RHPN2: variants seen among roughly 807,000 people sequenced by gnomAD.
RHPN2 encodes rhophilin Rho GTPase binding protein 2.
Under a neutral mutation model 79.0 loss-of-function variants are expected in RHPN2, and 40 were observed. The ratio of observed to expected loss-of-function variants is 0.51; its 90% CI spans 0.39 to 0.66. The LOEUF is 0.66. Ranked by LOEUF, RHPN2 falls within the 30% of genes least tolerant of loss-of-function variation. RHPN2 has a pLI of 0.00. For synonymous variants in RHPN2, 285 were observed against 363.5 expected, an observed-to-expected ratio of 0.78 and a Z score of 2.46; for missense variants, 686 against 883.5, an observed-to-expected ratio of 0.78 and a Z score of 2.83.
intron 1 of RHPN2, among the ~76,000 whole-genome samples, chr19:33,056,841 GGCTCAC>G (rs1972236568): frequency 6.6e-6 from 1 of 151,876 alleles, no homozygotes; most frequent in Non-Finnish European, 1.5e-5. Context: ...CGGGCGCAGT[GGCTCAC>G]GCCTGTAATC....
chr19:33,014,541 G>A (rs796877959), intron 4 of RHPN2, among the ~76,000 whole-genome samples: 56 of 152,124 alleles, frequency 3.7e-4, no homozygotes, highest in African/African-American at 1.3e-3. Context: ...CCTGGCCTCA[G>A]GTGATCCTCC....
chr19:32,996,272 A>C (rs569939412), intron 10 of RHPN2, 52 bp from the exon 11 acceptor site: 1 of 1,604,138 alleles, frequency 6.2e-7, no homozygotes, highest in South Asian at 1.1e-5. Flanking sequence ...CAAGCAGAGC[A>C]TAAAGGCCCA....
At chr19:32,999,989 C>A (rs1971736342) in intron 9 of RHPN2, among the ~76,000 whole-genome samples, 1 of 152,138 alleles carries the variant, frequency 6.6e-6, no homozygotes, top group South Asian at 2.1e-4. Context: ...CCCACCTCAC[C>A]TCCTGAGTAG....
intron 4 of RHPN2, among the ~76,000 whole-genome samples, chr19:33,015,824 G>A (rs1478988297): frequency 1.3e-5 from 2 of 152,108 alleles, no homozygotes; most frequent in Non-Finnish European, 1.5e-5. Flanking sequence ...TGAGGTGGGC[G>A]GATCAGTTGA....
chr19:33,011,943 T>C (rs1019317095), intron 5 of RHPN2, 140 bp from the exon 6 acceptor site: 20 of 1,113,058 alleles, frequency 1.8e-5, no homozygotes, highest in East Asian at 2.6e-5. Flanking sequence ...CATCGTAAAC[T>C]CTGGGAGGGG....
intron 7 of RHPN2, among the ~76,000 whole-genome samples, chr19:33,005,640 A>G (rs1273051224): frequency 7.0e-6 from 1 of 142,396 alleles, no homozygotes; most frequent in Non-Finnish European, 1.5e-5. Context: ...TGCCCTGCGG[A>G]GGGATGGCAC....
Position 33,008,051 on chromosome 19 carries a change from C to T in RHPN2, c.723G>A (p.Gly241=), listed in dbSNP as rs149308343. 165 of 1,613,126 alleles carry T rather than the reference C, an allele frequency of 1.0e-4. No individual in the cohort carries two copies. In the African/African-American group the frequency reaches 2.1e-3, roughly 20 times the overall value. The part of the protein sequence containing the change: ...GTRCDRQTQA[G]LESAIDAFQR... ...GAAAGGCATCTATGGCACTCTCCAG[C>T]CCAGCCTGCGTCTGCCGATCACACC... Residue 241 remains glycine, a synonymous_variant, in exon 7 of 15, where the codon GGG becomes GGA. Transcript: ENST00000254260.
At chr19:33,029,644 T>C (rs535128770) in intron 2 of RHPN2, among the ~76,000 whole-genome samples, 12 of 152,304 alleles carry the variant, frequency 7.9e-5, no homozygotes, top group Non-Finnish European at 1.6e-4. Context: ...GAAAAGATTA[T>C]TGTTTCAACA....
chr19:32,987,709 G>A (rs1273634562), intron 14 of RHPN2, among the ~76,000 whole-genome samples: 1 of 152,262 alleles, frequency 6.6e-6, no homozygotes, highest in Non-Finnish European at 1.5e-5. Context: ...TATCATCCCT[G>A]TGCAATGATT....
chr19:32,991,331 C>T (rs1971658274), intron 13 of RHPN2: 1 of 207,556 alleles, frequency 4.8e-6, no homozygotes. Context: ...TGGTGGCACG[C>T]ACCTGTAATC....
intron 1 of RHPN2, among the ~76,000 whole-genome samples, chr19:33,060,100 G>T (rs762205307): frequency 6.6e-6 from 1 of 152,188 alleles, no homozygotes; most frequent in Non-Finnish European, 1.5e-5. Context: ...GCGTTCACCC[G>T]CATTCATGGA....
At chr19:32,998,503 C>T (rs181207963) in intron 10 of RHPN2, among the ~76,000 whole-genome samples, 2 of 151,938 alleles carry the variant, frequency 1.3e-5, no homozygotes, top group African/African-American at 2.4e-5. Context: ...CAATATTAGC[C>T]GGGCGTGGTG....
chr19:32,989,057 A>G (rs1971633109), intron 14 of RHPN2, among the ~76,000 whole-genome samples: 1 of 152,154 alleles, frequency 6.6e-6, no homozygotes, highest in Non-Finnish European at 1.5e-5. Flanking sequence ...AAGTGTGGCA[A>G]AGTGCAGAGG....
chr19:33,052,121 A>AT (rs1439405518), intron 1 of RHPN2, among the ~76,000 whole-genome samples: 2 of 152,150 alleles, frequency 1.3e-5, no homozygotes, highest in African/African-American at 2.4e-5. Flanking sequence ...AGTTAAAAAA[A>AT]AAATATAAAA....
chr19:32,981,266 G>A (rs895306225), intron 14 of RHPN2, among the ~76,000 whole-genome samples: 11 of 151,880 alleles, frequency 7.2e-5, no homozygotes, highest in Non-Finnish European at 1.3e-4. Context: ...GGTGGGGCGC[G>A]GTGGCTCACA....
intron 2 of RHPN2, among the ~76,000 whole-genome samples, chr19:33,033,862 C>T (rs765810338): frequency 6.6e-6 from 1 of 151,658 alleles, no homozygotes; most frequent in Non-Finnish European, 1.5e-5. Flanking sequence ...AGCGAAACTC[C>T]GTCTCAAAAA....
In RHPN2 at chr19:33,033,816, G is replaced by A. The variant is rs10426906; in HGVS notation, c.186-7184C>T. 9.9e-3 allele frequency among the ~76,000 whole-genome samples: 1,507 copies of A among 151,968 alleles called. 33 individuals are homozygous for A. The highest frequency in any genetic ancestry group is 0.035 in the African/African-American group (1,435 of 41,448). On this transcript the variant is annotated intron_variant, in intron 2 of 14. Coordinates refer to ENST00000254260, the MANE Select transcript of RHPN2 (RefSeq NM_033103.5). Reference sequence around the variant, plus strand: ...CGGGAGGCACAGGTTGCGGTGAGCCGAGATCGCGCCATTGCACTCCAGCCT... The same window carrying A: ...CGGGAGGCACAGGTTGCGGTGAGCCAAGATCGCGCCATTGCACTCCAGCCT...
intron 2 of RHPN2, among the ~76,000 whole-genome samples, chr19:33,040,719 C>A (rs1226548974): frequency 6.6e-6 from 1 of 152,094 alleles, no homozygotes; most frequent in Non-Finnish European, 1.5e-5. Context: ...CTTTGGGAGG[C>A]TGAGGCAGGC....
At chr19:33,031,323 C>CA (rs1555713302) in intron 2 of RHPN2, among the ~76,000 whole-genome samples, 1 of 150,066 alleles carries the variant, frequency 6.7e-6, no homozygotes, top group African/African-American at 2.4e-5. Context: ...TGCAGTGGCA[C>CA]ATCATGGCTT....
Sources: allele counts gnomAD v4.1 joint callset (sites outside exome capture counted in the v4.1 genomes callset), GRCh38; gene constraint gnomAD v4.1.1; transcripts MANE v1.5; gene names NCBI Gene and HGNC (gene_info 2026-07-23, HGNC 2026-07-21).